Variants in NRG1 observed in about 807,000 individuals in gnomAD.
NRG1 encodes the protein neuregulin 1.
A neutral mutation model predicts 63.8 loss-of-function variants in NRG1; 18 were observed. The observed-to-expected ratio is 0.28, with a 90% CI of 0.19 to 0.42. The LOEUF (loss-of-function observed/expected upper bound fraction) is 0.42. NRG1 is among the 10% of genes least tolerant of loss of function. The pLI is 1.00. For synonymous variants in NRG1, 302 were observed against 301.3 expected, an observed-to-expected ratio of 1.00 and a Z score of -0.02; for missense variants, 762 against 814.7, an observed-to-expected ratio of 0.94 and a Z score of 0.79.
chr8:31,660,461 A>G lies in NRG1; in HGVS notation c.37+21030A>G, dbSNP rs190809966. ...TCATTTTGTTTGCCGAGTATGTTAAAACTGTTTGCAGGGTGTGTTAAGATG... is the reference window on the plus strand; with the variant it reads ...TCATTTTGTTTGCCGAGTATGTTAAGACTGTTTGCAGGGTGTGTTAAGATG... On this transcript the variant is annotated intron_variant, in intron 1 of 10. Transcript: ENST00000519301. Among the ~76,000 whole-genome samples the G allele has an allele frequency of 3.3e-5, 5 of 152,312 alleles. No individual in the cohort carries two copies. In the East Asian group the frequency reaches 9.7e-4, roughly 29 times the overall value.
intron 1 of NRG1, among the ~76,000 whole-genome samples, chr8:32,378,772 C>G (rs1809964365): frequency 6.9e-6 from 1 of 145,860 alleles, no homozygotes; most frequent in African/African-American, 2.5e-5. Context: ...CTCCCCCGTC[C>G]CCCAACCCCA....
chr8:31,680,498 C>T (rs1585620658), intron 1 of NRG1, among the ~76,000 whole-genome samples: 1 of 151,650 alleles, frequency 6.6e-6, no homozygotes, highest in South Asian at 2.1e-4. Context: ...GCATAGTATT[C>T]CATGGTGTAT....
At chr8:31,770,376 T>G (rs1305286514) in intron 1 of NRG1, among the ~76,000 whole-genome samples, 1 of 152,154 alleles carries the variant, frequency 6.6e-6, no homozygotes, top group African/African-American at 2.4e-5. Flanking sequence ...TGCAGCGTGA[T>G]GGTTCTGGTA....
chr8:31,976,662 G>GGTGTGT (rs55763806), intron 1 of NRG1, among the ~76,000 whole-genome samples: 42 of 150,584 alleles, frequency 2.8e-4, no homozygotes, highest in Admixed American at 7.9e-4. Context: ...ATCTGCCATG[G>GGTGTGT]GTGTGTGTGT....
intron 1 of NRG1, among the ~76,000 whole-genome samples, chr8:32,317,568 T>C (rs1256659584): frequency 6.6e-6 from 1 of 152,218 alleles, no homozygotes; most frequent in Non-Finnish European, 1.5e-5. Context: ...GCCTCAGATG[T>C]GTTTATTTCT....
intron 1 of NRG1, among the ~76,000 whole-genome samples, chr8:32,281,787 C>A (rs1212369366): frequency 1.3e-5 from 2 of 148,288 alleles, no homozygotes; most frequent in East Asian, 3.9e-4. Context: ...TCAAAGCCAG[C>A]CTGGGCAACA....
At chr8:32,205,212 G>GT (rs572036496) in intron 1 of NRG1, among the ~76,000 whole-genome samples, 1 of 152,102 alleles carries the variant, frequency 6.6e-6, no homozygotes, top group East Asian at 1.9e-4. Context: ...ATTTGGATGG[G>GT]TTTTTTTATA....
chr8:31,894,553 CTT>C lies in NRG1; in HGVS notation c.37+255136_37+255137del, dbSNP rs397892970. Among the ~76,000 whole-genome samples the C allele has an allele frequency of 7.3e-4, 67 of 91,940 alleles. 1 individual carries two copies. Among genetic ancestry groups the C allele is most frequent in the Admixed American group, 5.0e-3 (47 of 9,404 alleles). 60.3% of individuals were successfully genotyped at this position (91,940 alleles called of 152,430 possible). ...CATAATTGCTATTTCTTTCTTTTTTCTTTTTTTTTTTTTTTGAGATGGAGTCT... is the reference window on the plus strand; with the variant it reads ...CATAATTGCTATTTCTTTCTTTTTTCTTTTTTTTTTTTTGAGATGGAGTCT... On this transcript the variant is annotated intron_variant, in intron 1 of 10. Transcript: ENST00000519301.
intron 1 of NRG1, among the ~76,000 whole-genome samples, chr8:31,718,505 C>T (rs1812587189): frequency 6.6e-6 from 1 of 152,228 alleles, no homozygotes; most frequent in African/African-American, 2.4e-5. Context: ...AGAATGTTTG[C>T]AACAGGATTT....
chr8:32,599,953 A>G (rs1169336479), intron 2 of NRG1, among the ~76,000 whole-genome samples: 1 of 152,144 alleles, frequency 6.6e-6, no homozygotes, highest in Non-Finnish European at 1.5e-5. Context: ...TTTATAATGG[A>G]AAAAGTTTAT....
intron 1 of NRG1, among the ~76,000 whole-genome samples, chr8:31,934,641 A>T (rs2129620291): frequency 6.6e-6 from 1 of 152,140 alleles, no homozygotes; most frequent in South Asian, 2.1e-4. Flanking sequence ...ATCCACGGAA[A>T]GGGTACCCAC....
chr8:32,421,145 C>A (rs531661838), intron 1 of NRG1, among the ~76,000 whole-genome samples: 2 of 152,268 alleles, frequency 1.3e-5, no homozygotes, highest in South Asian at 4.1e-4. Flanking sequence ...ATACACTCAT[C>A]TTTTGAATAC....
intron 1 of NRG1, among the ~76,000 whole-genome samples, chr8:32,400,003 C>G (rs1486497909): frequency 1.3e-5 from 2 of 152,184 alleles, no homozygotes; most frequent in African/African-American, 4.8e-5. Context: ...CCTCTTCACA[C>G]CCATGAGGGT....
intron 1 of NRG1, among the ~76,000 whole-genome samples, chr8:32,436,943 G>T (rs13269856): frequency 0.054 from 8,152 of 151,864 alleles, 285 homozygotes; most frequent in Middle Eastern, 0.088. Context: ...GATGCACTAT[G>T]CCATACTCAG....
intron 1 of NRG1, among the ~76,000 whole-genome samples, chr8:32,122,011 T>C (rs922971776): frequency 1.3e-5 from 2 of 152,054 alleles, no homozygotes; most frequent in Non-Finnish European, 2.9e-5. Flanking sequence ...GTATATTTTA[T>C]TGATTTGTCT....
intron 1 of NRG1, among the ~76,000 whole-genome samples, chr8:32,093,870 A>G (rs1190232120): frequency 1.3e-5 from 2 of 152,128 alleles, no homozygotes; most frequent in Admixed American, 1.3e-4. Flanking sequence ...CTGGTCATCA[A>G]GATGTGGATG....
chr8:31,991,473 C>T (rs17611063), intron 1 of NRG1, among the ~76,000 whole-genome samples: 7,500 of 151,876 alleles, frequency 0.049, 306 homozygotes, highest in Admixed American at 0.14. Flanking sequence ...ACCTTCATGT[C>T]CAAGCACTGT....
intron 1 of NRG1, among the ~76,000 whole-genome samples, chr8:31,723,662 A>G (rs990610687): frequency 6.6e-6 from 1 of 152,066 alleles, no homozygotes; most frequent in African/African-American, 2.4e-5. Context: ...CTTATCATGC[A>G]TGAAATGATC....
chr8:32,024,220 G>C (rs1816893522), intron 1 of NRG1, among the ~76,000 whole-genome samples: 1 of 152,172 alleles, frequency 6.6e-6, no homozygotes, highest in African/African-American at 2.4e-5. Flanking sequence ...GGGAGAGTTA[G>C]AGCCTTATAC....
Sources: gnomAD v4.1 joint callset for allele counts (sites outside exome capture counted in the v4.1 genomes callset) on GRCh38, gnomAD v4.1.1 for gene constraint, MANE v1.5 for transcripts, NCBI Gene and HGNC (gene_info 2026-07-23, HGNC 2026-07-21) for gene names.